FASTKD2: variants seen among roughly 807,000 people sequenced by gnomAD.
FASTKD2 encodes FAST kinase domains 2.
In FASTKD2, 51 loss-of-function variants were observed where a neutral mutation model predicts 63.6. That is an observed-to-expected ratio of 0.80 (90% confidence interval 0.64 to 1.01). The LOEUF (loss-of-function observed/expected upper bound fraction) is 1.01, where lower values mean the gene tolerates loss of function less well. FASTKD2 is among the 50% of genes least tolerant of loss of function. The probability of loss-of-function intolerance (pLI) is 0.00; values close to 1 mark genes in which losing one functional copy is unlikely to be tolerated. For synonymous variants in FASTKD2, 284 were observed against 293.4 expected, an observed-to-expected ratio of 0.97 and a Z score of 0.33; for missense variants, 786 against 831.1, an observed-to-expected ratio of 0.95 and a Z score of 0.67.
chr2:206,785,176 T>C (rs987400361), intron 7 of FASTKD2, among the ~76,000 whole-genome samples: 5 of 152,128 alleles, frequency 3.3e-5, no homozygotes, highest in Non-Finnish European at 7.4e-5. Context: ...AAGAAGAGTA[T>C]GGGGGAAACC....
chr2:206,790,633 T>C lies in FASTKD2; in HGVS notation c.1960T>C (p.Phe654Leu), dbSNP rs376226754. Residue 654 changes from phenylalanine to leucine, a missense_variant, in exon 11 of 12, where the codon TTC becomes CTC. Phe to Leu is a conservative substitution (Grantham distance 22, BLOSUM62 0). Transcript: ENST00000402774. ...YCLGSSHPRG[F>L]LAMKMRHLNA... ...TTTGGGTTCAAGCCACCCCAGAGGA[T>C]TCCTTGCTATGAAAATGCGGCATTT... 6.2e-7 allele frequency: 1 copy of C among 1,613,406 alleles called. No individual in the cohort carries two copies. The highest frequency in any genetic ancestry group is 8.5e-7 in the Non-Finnish European group (1 of 1,179,462).
At chr2:206,774,816 A>C (rs1186826249) in intron 7 of FASTKD2, among the ~76,000 whole-genome samples, 1 of 152,082 alleles carries the variant, frequency 6.6e-6, no homozygotes, top group Non-Finnish European at 1.5e-5. Context: ...ATTATTAATG[A>C]TATAGTTAAC....
chr2:206,771,296 C>T lies in FASTKD2; in HGVS notation c.990+6C>T. 1.3e-6 allele frequency: 2 copies of T among 1,521,238 alleles called. No individual in the cohort carries two copies. The highest frequency in any genetic ancestry group is 9.1e-7 in the Non-Finnish European group (1 of 1,095,216). The allele number at this position is 1,521,238 out of a possible 1,614,324, so 94.2% of individuals were successfully genotyped here. On this transcript the variant is annotated splice_donor_region_variant and intron_variant, in intron 4 of 11. Transcript: ENST00000402774. Reference sequence around the variant, plus strand: ...CTCTTAAGAGGAAACTGGAGGTAAACACATGAATTTTCTCTAGTGGATGAG... The same window carrying T: ...CTCTTAAGAGGAAACTGGAGGTAAATACATGAATTTTCTCTAGTGGATGAG...
chr2:206,788,987 A>G, intron 10 of FASTKD2, 84 bp downstream of exon 10: 1 of 770,788 alleles, frequency 1.3e-6, no homozygotes, highest in Non-Finnish European at 2.3e-6. Flanking sequence ...GCAGTAGTAA[A>G]TCTAAGACTT....
intron 2 of FASTKD2, among the ~76,000 whole-genome samples, chr2:206,768,057 GC>G (rs1317134229): frequency 2.6e-5 from 4 of 152,160 alleles, no homozygotes; most frequent in African/African-American, 9.7e-5. Flanking sequence ...GGGGCAAGAG[GC>G]TTAGGGGCAG....
Position 206,772,181 on chromosome 2 carries a change from A to T in FASTKD2, c.1115A>T (p.Asp372Val). Reference protein sequence around the residue: ...LLDECSKVVLDNIHGCPLRIM... With the variant: ...LLDECSKVVLVNIHGCPLRIM... ...TTGTTTATTTAACTCATTCTTCAAGATAATATCCATGGGTGTCCTTTAAGA... is the reference window on the plus strand; with the variant it reads ...TTGTTTATTTAACTCATTCTTCAAGTTAATATCCATGGGTGTCCTTTAAGA... Residue 372 changes from aspartate to valine, a missense_variant and splice_region_variant, in exon 6 of 12, where the codon GAT (aspartate) becomes GTT (valine). Transcript: ENST00000402774. 1 of 1,611,256 alleles carries T rather than the reference A, an allele frequency of 6.2e-7. No homozygotes were observed. Among genetic ancestry groups the T allele is most frequent in the Non-Finnish European group, 8.5e-7 (1 of 1,177,404 alleles).
At chr2:206,778,127 ACTT>A (rs1198260436) in intron 7 of FASTKD2, among the ~76,000 whole-genome samples, 3 of 150,836 alleles carry the variant, frequency 2.0e-5, no homozygotes, top group East Asian at 2.0e-4. Flanking sequence ...GGTTTTTTCT[ACTT>A]CTTATTGTCT....
chr2:206,786,113 C>T (rs1690131350), intron 7 of FASTKD2, among the ~76,000 whole-genome samples: 1 of 152,234 alleles, frequency 6.6e-6, no homozygotes, highest in Admixed American at 6.5e-5. Flanking sequence ...ATCAGATTGA[C>T]GTGTGTTCAA....
At chr2:206,791,218 T>A in intron 11 of FASTKD2, 1 of 196,748 alleles carries the variant, frequency 5.1e-6, no homozygotes, top group Non-Finnish European at 1.0e-5. Flanking sequence ...ACAAATACAT[T>A]TATATATATG....
chr2:206,771,699 TG>T (rs1352483981), intron 4 of FASTKD2, among the ~76,000 whole-genome samples, 194 bp from the exon 5 acceptor site: 2 of 142,394 alleles, frequency 1.4e-5, no homozygotes, highest in African/African-American at 5.2e-5. Flanking sequence ...TAGCCAGGCG[TG>T]GTGGTACATG....
chr2:206,781,922 C>T (rs1689995711), intron 7 of FASTKD2, among the ~76,000 whole-genome samples: 1 of 152,098 alleles, frequency 6.6e-6, no homozygotes, highest in South Asian at 2.1e-4. Flanking sequence ...CCTTGGACAG[C>T]TCACCAAAAG....
intron 7 of FASTKD2, among the ~76,000 whole-genome samples, chr2:206,784,047 C>T (rs1157809580): frequency 6.6e-6 from 1 of 152,204 alleles, no homozygotes; most frequent in African/African-American, 2.4e-5. Flanking sequence ...TTCTAAGCCT[C>T]CCACCTCAAC....
chr2:206,787,027 G>A, intron 8 of FASTKD2, 128 bp downstream of exon 8: 2 of 664,230 alleles, frequency 3.0e-6, no homozygotes, highest in Non-Finnish European at 5.3e-6. Flanking sequence ...AGGTGTTGCT[G>A]TGGAAAGGGC....
In FASTKD2 at chr2:206,781,819, A is replaced by G. The variant is rs185632946; in HGVS notation, c.1428-4914A>G. On this transcript the variant is annotated intron_variant, in intron 7 of 11. Coordinates refer to ENST00000402774, the MANE Select transcript of FASTKD2 (RefSeq NM_001136193.2). ...TGAGTTGTGCTGTCTGCTGCAAGCC[A>G]CTGACCCCTTTTTTTCCTACTTAAC... Among the ~76,000 whole-genome samples the G allele has an allele frequency of 2.3e-3, 345 of 151,482 alleles. 2 individuals are homozygous for G. Among genetic ancestry groups the G allele is most frequent in the African/African-American group, 7.9e-3 (325 of 41,254 alleles).
intron 10 of FASTKD2, 78 bp downstream of exon 10, chr2:206,788,981 T>A: frequency 1.3e-6 from 1 of 792,028 alleles, no homozygotes; most frequent in Non-Finnish European, 2.2e-6. Flanking sequence ...TAAATAGCAG[T>A]AGTAAATCTA....
At chr2:206,790,523 AAATAGT>A in intron 10 of FASTKD2, 43 bp from the exon 11 acceptor site, 1 of 1,086,808 alleles carries the variant, frequency 9.2e-7, no homozygotes, top group Non-Finnish European at 1.4e-6. Context: ...CAGCAAGACT[AAATAGT>A]AATATCAATA....
At chr2:206,789,156 A>C in intron 10 of FASTKD2, 1 of 451,406 alleles carries the variant, frequency 2.2e-6, no homozygotes, top group Non-Finnish European at 4.0e-6. Context: ...TTGAAGCTAT[A>C]GTTCAATAAA....
intron 7 of FASTKD2, among the ~76,000 whole-genome samples, chr2:206,775,962 G>A (rs1689814059): frequency 6.6e-6 from 1 of 151,770 alleles, no homozygotes; most frequent in Non-Finnish European, 1.5e-5. Flanking sequence ...TTGTGGTTTT[G>A]ATTTGCATTT....
At position 206,766,871 on chromosome 2, in the gene FASTKD2, A is replaced by G. The variant is rs751014977; in HGVS notation, c.178A>G (p.Ile60Val). Residue 60 changes from isoleucine (I) to valine (V), a missense_variant, in exon 2 of 12, where the codon ATT (isoleucine) becomes GTT (valine). By Grantham distance (29) the Ile-to-Val change is conservative. Coordinates refer to ENST00000402774, the MANE Select transcript of FASTKD2 (RefSeq NM_001136193.2). ...KPKIVHSNWN[I>V]LNNFHNRMQS... ...AAAAATAGTTCATTCAAACTGGAAC[A>G]TTTTAAATAACTTTCATAACAGAAT... The G allele has an allele frequency of 5.0e-6, 8 of 1,602,840 alleles. No individual in the cohort carries two copies. Among genetic ancestry groups the G allele is most frequent in the South Asian group, 4.5e-5 (4 of 89,238 alleles).
Sources: gnomAD v4.1 joint callset for allele counts (sites outside exome capture counted in the v4.1 genomes callset) on GRCh38, gnomAD v4.1.1 for gene constraint, MANE v1.5 for transcripts, NCBI Gene and HGNC (gene_info 2026-07-23, HGNC 2026-07-21) for gene names.